The following IGSF11 variants were observed in gnomAD, a reference collection of about 807,000 sequenced individuals.
IGSF11 encodes CXADR like 1.
Under a neutral mutation model 41.0 loss-of-function variants are expected in IGSF11, and 22 were observed. That is an observed-to-expected ratio of 0.54 (90% CI 0.38 to 0.77). The LOEUF (loss-of-function observed/expected upper bound fraction) is 0.77, where lower values mean the gene tolerates loss of function less well. Ranked by LOEUF, IGSF11 falls within the 30% of genes least tolerant of loss-of-function variation. The pLI, the probability that IGSF11 is intolerant of heterozygous loss-of-function variation, is 0.00. For synonymous variants in IGSF11, 219 were observed against 201.3 expected (o/e 1.09, Z -0.74); for missense variants, 444 against 530.8 (o/e 0.84, Z 1.61).
At chr3:119,095,747 C>T (rs2076838972) in intron 1 of IGSF11, among the ~76,000 whole-genome samples, 1 of 152,180 alleles carries the variant, frequency 6.6e-6, no homozygotes, top group Admixed American at 6.5e-5. Context: ...GAGAGAAACA[C>T]TAAACTTGGA....
chr3:118,961,688 AGT>A (rs1481876234), intron 1 of IGSF11, among the ~76,000 whole-genome samples: 1 of 152,200 alleles, frequency 6.6e-6, no homozygotes. Flanking sequence ...AGGGTATGGG[AGT>A]GAGTTCAGAC....
rs1939358560 is a variant in IGSF11 at position 118,904,680 on chromosome 3, CTCTT to C, written c.818_821del (p.Lys273ArgfsTer11). 6.2e-7 allele frequency: 1 copy of C among 1,611,492 alleles called. No homozygotes were observed. On this transcript the variant is annotated frameshift_variant, in exon 6 of 7. Coordinates refer to ENST00000393775, the MANE Select transcript of IGSF11 (RefSeq NM_001015887.3). LOFTEE classifies it high-confidence loss of function. ...CATTAGGAATTTCTTCTTCTTCCTC[CTCTT>C]TATTTTTGCTTCTCCAGTAAAAGAA... is the stretch of plus-strand genomic sequence containing the variant.
chr3:118,981,374 T>C (rs1380295675), intron 1 of IGSF11, among the ~76,000 whole-genome samples: 5 of 152,160 alleles, frequency 3.3e-5, no homozygotes. Context: ...GGTTTCACCA[T>C]GTTGGCTCAA....
At chr3:119,117,012 A>C (rs2077265096) in intron 1 of IGSF11, among the ~76,000 whole-genome samples, 1 of 151,020 alleles carries the variant, frequency 6.6e-6, no homozygotes, top group African/African-American at 2.4e-5. Context: ...TCCTTGAAAA[A>C]CCCCTAACAT....
At chr3:118,953,498 T>C (rs1332192295) in intron 1 of IGSF11, among the ~76,000 whole-genome samples, 2 of 152,248 alleles carry the variant, frequency 1.3e-5, no homozygotes, top group Non-Finnish European at 2.9e-5. Context: ...ATAGTGGTTG[T>C]ACTAGTTTAC....
chr3:119,012,154 C>A (rs1187951826), intron 1 of IGSF11, among the ~76,000 whole-genome samples: 1 of 152,082 alleles, frequency 6.6e-6, no homozygotes, highest in Non-Finnish European at 1.5e-5. Context: ...GAGACACAGG[C>A]AACTCAATAT....
chr3:118,971,027 G>A (rs1239245771), intron 1 of IGSF11, among the ~76,000 whole-genome samples: 4 of 152,168 alleles, frequency 2.6e-5, no homozygotes, highest in Admixed American at 6.5e-5. Context: ...CAAAGCCCAG[G>A]GGTGAATCCT....
At chr3:118,967,708 C>A (rs549953131) in intron 1 of IGSF11, among the ~76,000 whole-genome samples, 9 of 152,182 alleles carry the variant, frequency 5.9e-5, no homozygotes, top group Middle Eastern at 6.8e-3. Flanking sequence ...CGCATAGTAC[C>A]CTGTGCCTTT....
chr3:119,087,387 CACACACACACACACAT>C (rs1319492275), intron 1 of IGSF11, among the ~76,000 whole-genome samples: 1 of 149,390 alleles, frequency 6.7e-6, no homozygotes, highest in Non-Finnish European at 1.5e-5. Flanking sequence ...CACACACACA[CACACACACACACACAT>C]ACACACACAC....
At chr3:119,036,873 G>C (rs1940933691), upstream of IGSF11, among the ~76,000 whole-genome samples, 2 of 152,252 alleles carry the variant, frequency 1.3e-5, no homozygotes, top group South Asian at 4.1e-4. Flanking sequence ...TTCAGTAAAG[G>C]AGCCCTTTCA....
At position 118,901,853 on chromosome 3, in the gene IGSF11, G is replaced by C. The variant is rs1038326118; in HGVS notation, c.*667C>G. ...ATCCTAGAATAACACAGACAGGCAA[G>C]AATCTGTCAATATAGCAATATTCCA... On this transcript the variant is annotated 3_prime_UTR_variant, in exon 7 of 7. Coordinates refer to ENST00000393775, the MANE Select transcript of IGSF11 (RefSeq NM_001015887.3). 6.6e-6 allele frequency: 1 copy of C among 151,830 alleles called. No individual in the cohort carries two copies. The highest frequency in any genetic ancestry group is 2.4e-5 in the African/African-American group (1 of 41,326). The allele number at this position is 151,830 out of a possible 1,614,324, so 9.4% of individuals were successfully genotyped here.
At chr3:118,982,536 T>C (rs1934838611) in intron 1 of IGSF11, among the ~76,000 whole-genome samples, 1 of 152,150 alleles carries the variant, frequency 6.6e-6, no homozygotes, top group South Asian at 2.1e-4. Flanking sequence ...TATTATAGGA[T>C]ATGGGACAAT....
intron 5 of IGSF11, 115 bp downstream of exon 5, chr3:118,905,481 C>A: frequency 9.3e-7 from 1 of 1,080,784 alleles, no homozygotes; most frequent in Non-Finnish European, 1.3e-6. Context: ...AAAACAATTT[C>A]TATTTAATCT....
chr3:119,091,389 A>G (rs1025808373), intron 1 of IGSF11, among the ~76,000 whole-genome samples: 1 of 152,232 alleles, frequency 6.6e-6, no homozygotes, highest in Admixed American at 6.5e-5. Flanking sequence ...TTCTGCCAAA[A>G]AGACATATTC....
At chr3:119,083,051 G>A (rs1316306420) in intron 1 of IGSF11, among the ~76,000 whole-genome samples, 1 of 151,896 alleles carries the variant, frequency 6.6e-6, no homozygotes, top group Non-Finnish European at 1.5e-5. Flanking sequence ...ATAAGCTGTG[G>A]GTTCTTTCAC....
chr3:118,995,359 G>C (rs1030393836), intron 1 of IGSF11, among the ~76,000 whole-genome samples: 3 of 152,170 alleles, frequency 2.0e-5, no homozygotes, highest in African/African-American at 7.2e-5. Context: ...TACAGGCAAT[G>C]ATCACCGTTT....
chr3:119,067,689 T>C (rs1044640128), intron 1 of IGSF11, among the ~76,000 whole-genome samples: 2 of 152,174 alleles, frequency 1.3e-5, no homozygotes, highest in South Asian at 2.1e-4. Context: ...TTTTCCATTC[T>C]AACCCTGAAT....
At chr3:119,132,097 A>G (rs372703273) in intron 1 of IGSF11, among the ~76,000 whole-genome samples, 1 of 152,230 alleles carries the variant, frequency 6.6e-6, no homozygotes, top group East Asian at 1.9e-4. Flanking sequence ...CTGCAAAAAC[A>G]TGCCAAACTG....
upstream of IGSF11, among the ~76,000 whole-genome samples, chr3:119,110,203 C>T (rs982791697): frequency 7.2e-5 from 11 of 152,030 alleles, no homozygotes; most frequent in Admixed American, 5.9e-4. Flanking sequence ...TAAAGTCTCC[C>T]ATTATTATTG....
Sources: allele counts gnomAD v4.1 joint callset (sites outside exome capture counted in the v4.1 genomes callset), GRCh38; gene constraint gnomAD v4.1.1; transcripts MANE v1.5; gene names NCBI Gene and HGNC (gene_info 2026-07-23, HGNC 2026-07-21).